The following NHSL1 variants were observed in gnomAD, a reference collection of about 807,000 sequenced individuals.
NHSL1 encodes the protein NHS like 1.
A neutral mutation model predicts 95.0 loss-of-function variants in NHSL1; 48 were observed. The ratio of observed to expected loss-of-function variants is 0.51; its 90% CI spans 0.40 to 0.64. The LOEUF is 0.64. Among genes scored for constraint, NHSL1 ranks in the 30% least tolerant of loss-of-function variants. The pLI, the probability that NHSL1 is intolerant of heterozygous loss-of-function variation, is 0.00. For missense variants in NHSL1, 1,971 were observed against 2,077.7 expected, an observed-to-expected ratio of 0.95 and a Z score of 1.00; for synonymous variants, 783 against 833.9, an observed-to-expected ratio of 0.94 and a Z score of 1.05.
upstream of NHSL1, chr6:138,545,934 GC>G (rs1278747999): frequency 4.5e-5 from 27 of 599,992 alleles, no homozygotes; most frequent in Non-Finnish European, 5.6e-5. Flanking sequence ...GTGCAGATCA[GC>G]CCAAGGGCGA....
upstream of NHSL1, among the ~76,000 whole-genome samples, chr6:138,547,330 A>T (rs1227929073): frequency 5.0e-4 from 1 of 1,992 alleles, no homozygotes; most frequent in Admixed American, 8.9e-3. Context: ...AGTTAGGATT[A>T]AAAAAAAAAA....
At chr6:138,522,808 T>TG in intron 1 of NHSL1, among the ~76,000 whole-genome samples, 1 of 151,398 alleles carries the variant, frequency 6.6e-6, no homozygotes, top group Non-Finnish European at 1.5e-5. Context: ...AGATCCTGTC[T>TG]GAAAAAAAAA....
intron 2 of NHSL1, among the ~76,000 whole-genome samples, chr6:138,476,788 T>C (rs1042037898): frequency 3.3e-5 from 5 of 151,880 alleles, no homozygotes; most frequent in East Asian, 1.9e-4. Flanking sequence ...GATCATGCTA[T>C]TGTACTCCAG....
chr6:138,618,071 T>G (rs1187542895), intron 1 of NHSL1, among the ~76,000 whole-genome samples: 1 of 152,228 alleles, frequency 6.6e-6, no homozygotes, highest in East Asian at 1.9e-4. Flanking sequence ...GGTATAATTT[T>G]ATATGCCACG....
At chr6:138,622,177 A>G in intron 1 of NHSL1, among the ~76,000 whole-genome samples, 1 of 152,218 alleles carries the variant, frequency 6.6e-6, no homozygotes, top group East Asian at 1.9e-4. Flanking sequence ...GGAGGGAATG[A>G]TATGAAGAAG....
chr6:138,645,392 G>A (rs1265363551), intron 1 of NHSL1, among the ~76,000 whole-genome samples: 1 of 151,892 alleles, frequency 6.6e-6, no homozygotes, highest in Non-Finnish European at 1.5e-5. Context: ...ACTGAAAATT[G>A]TAACCCTCTC....
At chr6:138,619,230 C>T (rs1784621310) in intron 1 of NHSL1, among the ~76,000 whole-genome samples, 1 of 152,066 alleles carries the variant, frequency 6.6e-6, no homozygotes, top group African/African-American at 2.4e-5. Context: ...CCAAGCTTCT[C>T]AGGAGGCTGA....
At chr6:138,592,131 T>C (rs1784238849) in intron 1 of NHSL1, among the ~76,000 whole-genome samples, 1 of 152,178 alleles carries the variant, frequency 6.6e-6, no homozygotes. Flanking sequence ...AAAACTACAG[T>C]TTCCTGCTCC....
intron 2 of NHSL1, among the ~76,000 whole-genome samples, chr6:138,485,639 G>A (rs1267039327): frequency 3.9e-5 from 6 of 152,078 alleles, no homozygotes; most frequent in Admixed American, 6.6e-5. Context: ...AGAAAATTCC[G>A]TGCCATCAAA....
chr6:138,532,240 G>A (rs1178085509), intron 1 of NHSL1, among the ~76,000 whole-genome samples: 1 of 152,224 alleles, frequency 6.6e-6, no homozygotes, highest in African/African-American at 2.4e-5. Flanking sequence ...TGAAGCTCAA[G>A]AAGAAAATAA....
intron 2 of NHSL1, among the ~76,000 whole-genome samples, chr6:138,486,051 A>G (rs1007576203): frequency 6.6e-6 from 1 of 152,148 alleles, no homozygotes; most frequent in Non-Finnish European, 1.5e-5. Flanking sequence ...TAGGAGACAG[A>G]GGCCGCAACC....
chr6:138,491,601 ACTT>A (rs1780082053), intron 2 of NHSL1, among the ~76,000 whole-genome samples: 2 of 152,224 alleles, frequency 1.3e-5, no homozygotes, highest in South Asian at 2.1e-4. Context: ...AAAAGGGTAG[ACTT>A]CTTCTGGAAA....
chr6:138,515,302 A>G (rs941519039), intron 1 of NHSL1, among the ~76,000 whole-genome samples: 2 of 152,202 alleles, frequency 1.3e-5, no homozygotes, highest in Non-Finnish European at 2.9e-5. Flanking sequence ...GGGAGCTTTT[A>G]ACTGGAGACA....
chr6:138,547,398 CCT>C (rs1167542986), upstream of NHSL1, among the ~76,000 whole-genome samples: 2 of 150,740 alleles, frequency 1.3e-5, no homozygotes, highest in East Asian at 1.9e-4. Flanking sequence ...TTTTTTTTCC[CCT>C]GAGAGGGTCT....
chr6:138,558,017 C>T (rs1783257433), intron 1 of NHSL1, among the ~76,000 whole-genome samples: 1 of 152,172 alleles, frequency 6.6e-6, no homozygotes, highest in African/African-American at 2.4e-5. Flanking sequence ...TTATATGGAA[C>T]TACAAATAAG....
chr6:138,509,113 A>G (rs924920342), intron 1 of NHSL1, among the ~76,000 whole-genome samples: 6 of 152,262 alleles, frequency 3.9e-5, no homozygotes, highest in Admixed American at 1.3e-4. Context: ...CTGAATGCCT[A>G]TAAAGGATCT....
chr6:138,610,657 G>A (rs758809204), intron 1 of NHSL1, among the ~76,000 whole-genome samples: 2 of 151,748 alleles, frequency 1.3e-5, no homozygotes, highest in Admixed American at 6.6e-5. Flanking sequence ...ATCCTATCCC[G>A]ATAGTTCCAC....
chr6:138,663,194 C>T (rs560644500), intron 1 of NHSL1, among the ~76,000 whole-genome samples: 4 of 151,942 alleles, frequency 2.6e-5, no homozygotes, highest in East Asian at 3.9e-4. Flanking sequence ...AAAGATGTTA[C>T]GACATTTACT....
At chr6:138,625,135 GTTGCT>G (rs1446339909) in intron 1 of NHSL1, among the ~76,000 whole-genome samples, 2 of 150,732 alleles carry the variant, frequency 1.3e-5, no homozygotes, top group African/African-American at 2.4e-5. Context: ...TTTTGTTGTT[GTTGCT>G]TTGTTTTGCT....
Sources: allele counts gnomAD v4.1 joint callset (sites outside exome capture counted in the v4.1 genomes callset), GRCh38; gene constraint gnomAD v4.1.1; transcripts MANE v1.5; gene names NCBI Gene and HGNC (gene_info 2026-07-23, HGNC 2026-07-21).